PNPLA7: variants seen among roughly 807,000 people sequenced by gnomAD.
PNPLA7 encodes patatin like domain 7, lysophospholipase, also known as patatin-like phospholipase domain-containing protein 7.
Under a neutral mutation model 161.7 loss-of-function variants are expected in PNPLA7, and 153 were observed. That is an observed-to-expected ratio of 0.95 (90% confidence interval 0.83 to 1.08). The LOEUF (loss-of-function observed/expected upper bound fraction) is 1.08, where lower values mean the gene tolerates loss of function less well. Among genes scored for constraint, PNPLA7 ranks in the 50% least tolerant of loss-of-function variants. The pLI is 0.00. For missense variants in PNPLA7, 1,739 were observed against 1,856.6 expected (o/e 0.94, Z 1.16); for synonymous variants, 809 against 782.1 (o/e 1.03, Z -0.57).
At chr9:137,488,221 C>G (rs1832591608) in intron 20 of PNPLA7, among the ~76,000 whole-genome samples, 1 of 151,966 alleles carries the variant, frequency 6.6e-6, no homozygotes, top group South Asian at 2.1e-4. Context: ...CTCTCGCGGT[C>G]TGATGTCTCG....
In PNPLA7 at chr9:137,498,266, A is replaced by G. The variant is rs750183234; in HGVS notation, c.1758-21T>C. On this transcript the variant is annotated intron_variant, in intron 16 of 34. Coordinates refer to ENST00000406427, the MANE Select transcript of PNPLA7 (RefSeq NM_001098537.3). ...TGATTCTGCCGGGCAGCCCAGAGTCAATCCTGCCCCATCCCTCCAACCCTA... is the reference window on the plus strand; with the variant it reads ...TGATTCTGCCGGGCAGCCCAGAGTCGATCCTGCCCCATCCCTCCAACCCTA... The G allele has an allele frequency of 3.7e-6, 6 of 1,607,450 alleles. No individual in the cohort carries two copies. The South Asian group carries it at 6.6e-5, about 18-fold the overall frequency.
rs755726652 is a variant in PNPLA7, at chr9:137,542,801, C to A, written c.507G>T (p.Arg169=). 2 of 1,609,626 alleles carry A rather than the reference C, an allele frequency of 1.2e-6. No individual in the cohort carries two copies. The change falls in exon 7 of 35, where the codon CGG becomes CGT. Residue 169 remains arginine (R), a splice_region_variant and synonymous_variant. Coordinates refer to ENST00000406427, the MANE Select transcript of PNPLA7 (RefSeq NM_001098537.3). The part of the protein sequence containing the change: ...SEVLYMLKNV[R]VLGHFEKPLF... Reference sequence around the variant, plus strand: ...GCGGCTTCTCAAAGTGGCCCAGGACCCTGCAAGAGCCAGAGGGCACTGTGG... The same window carrying A: ...GCGGCTTCTCAAAGTGGCCCAGGACACTGCAAGAGCCAGAGGGCACTGTGG...
At chr9:137,504,212 A>AT (rs909121407) in intron 14 of PNPLA7, among the ~76,000 whole-genome samples, 318 of 145,716 alleles carry the variant, frequency 2.2e-3, no homozygotes, top group Non-Finnish European at 3.4e-3. Flanking sequence ...AAGAAGAGAG[A>AT]TTTTTTTTTT....
chr9:137,547,010 G>T lies in PNPLA7; in HGVS notation c.194-101C>A. On this transcript the variant is annotated intron_variant, in intron 3 of 34. Coordinates refer to ENST00000406427, the MANE Select transcript of PNPLA7 (RefSeq NM_001098537.3). This position sits in a 1 kb window ranked among gnomAD's most constrained non-coding sequence, Gnocchi z 4.6. Reference sequence around the variant, plus strand: ...GTCAGTCATACTCTCGTCCCTGCCAGTAACTGGCCATACTCAGACAGCATG... The same window carrying T: ...GTCAGTCATACTCTCGTCCCTGCCATTAACTGGCCATACTCAGACAGCATG... The T allele has an allele frequency of 8.8e-7, 1 of 1,135,430 alleles. No homozygotes were observed. The highest frequency in any genetic ancestry group is 1.3e-6 in the Non-Finnish European group (1 of 766,026). The allele number at this position is 1,135,430 out of a possible 1,614,324, so 70.3% of individuals were successfully genotyped here. A position where few individuals can be genotyped will look rare whatever the true frequency, so the allele number is the denominator to read the frequency against.
intron 22 of PNPLA7, 101 bp downstream of exon 22, chr9:137,480,859 G>T: frequency 8.0e-7 from 1 of 1,251,600 alleles, no homozygotes; most frequent in Non-Finnish European, 1.1e-6. Context: ...TGGACGAGGA[G>T]CACGCTGCAG....
chr9:137,502,756 G>A (rs113339141), intron 14 of PNPLA7, among the ~76,000 whole-genome samples: 21 of 140,210 alleles, frequency 1.5e-4, no homozygotes, highest in South Asian at 7.0e-4. Context: ...TGTGGGAGCC[G>A]GCCACGGTGA....
Position 137,542,674 on chromosome 9 carries a change from C to T in PNPLA7, c.634G>A (p.Asp212Asn), listed in dbSNP as rs1416938026. ...TGGATGCAGACCTCCAGCCGCCCGT[C>T]CTGCACCACACAGATGCTGGGGTCC... is the stretch of plus-strand genomic sequence containing the variant. ...EPDPSICVVQ[D>N]GRLEVCIQDT... Residue 212 changes from aspartate (D) to asparagine (N), a missense_variant, in exon 7 of 35, where the codon GAC becomes AAC. By Grantham distance (23) the Asp-to-Asn change is conservative. Transcript: ENST00000406427. 2 of 1,612,962 alleles carry T rather than the reference C, an allele frequency of 1.2e-6. No individual in the cohort carries two copies. Among genetic ancestry groups the T allele is most frequent in the Non-Finnish European group, 1.7e-6 (2 of 1,180,006 alleles).
intron 24 of PNPLA7, 172 bp from the exon 25 acceptor site, chr9:137,478,324 C>T (rs1232440457): frequency 6.7e-6 from 3 of 445,794 alleles, no homozygotes; most frequent in African/African-American, 2.0e-5. Flanking sequence ...CCTCAGTGCC[C>T]GGACCGGGCC....
At chr9:137,464,573 G>A in intron 26 of PNPLA7, 117 bp from the exon 27 acceptor site, 1 of 964,164 alleles carries the variant, frequency 1.0e-6, no homozygotes, top group South Asian at 1.4e-5. Context: ...AGTGTCCTTG[G>A]GCCCCACCCA....
intron 12 of PNPLA7, 51 bp downstream of exon 12, chr9:137,515,328 T>C (rs1834471875): frequency 6.4e-7 from 1 of 1,574,490 alleles, no homozygotes; most frequent in Non-Finnish European, 8.6e-7. Flanking sequence ...GGGTCTCAGA[T>C]GCCGAGGGCC....
intron 14 of PNPLA7, among the ~76,000 whole-genome samples, chr9:137,503,779 G>GAAGAAA (rs1205769308): frequency 0.29 from 18 of 62 alleles, no homozygotes; most frequent in Non-Finnish European, 0.33. Flanking sequence ...GAAGAAAAAA[G>GAAGAAA]AAAGAAGAGA....
At chr9:137,510,544 T>C (rs184574589) in intron 12 of PNPLA7, among the ~76,000 whole-genome samples, 8 of 152,300 alleles carry the variant, frequency 5.3e-5, no homozygotes, top group East Asian at 3.9e-4. Flanking sequence ...TTACCTATCA[T>C]TGGAGATGAC....
At chr9:137,510,367 G>A (rs1209565882) in intron 12 of PNPLA7, among the ~76,000 whole-genome samples, 1 of 152,164 alleles carries the variant, frequency 6.6e-6, no homozygotes, top group Non-Finnish European at 1.5e-5. Context: ...CTGTACACCT[G>A]GCTCTGCCTT....
At chr9:137,532,529 C>G (rs890214724) in intron 8 of PNPLA7, among the ~76,000 whole-genome samples, 9 of 152,194 alleles carry the variant, frequency 5.9e-5, no homozygotes, top group Admixed American at 5.2e-4. Context: ...ATACAAACCT[C>G]CAAGGATAAA....
At chr9:137,517,261 C>T (rs553429881) in intron 11 of PNPLA7, among the ~76,000 whole-genome samples, 1,104 of 93,644 alleles carry the variant, frequency 0.012, 29 homozygotes, top group Middle Eastern at 0.048. Context: ...TCCACTCTGT[C>T]CACTCCATCC....
intron 12 of PNPLA7, among the ~76,000 whole-genome samples, chr9:137,510,696 G>C (rs1023051022): frequency 6.6e-6 from 1 of 152,156 alleles, no homozygotes; most frequent in Non-Finnish European, 1.5e-5. Flanking sequence ...TCTTTGTCTT[G>C]TGTCTTTATT....
chr9:137,501,764 A>T, intron 14 of PNPLA7, 37 bp from the exon 15 acceptor site: 1 of 1,597,970 alleles, frequency 6.3e-7, no homozygotes, highest in Non-Finnish European at 8.6e-7. Context: ...CACGGGCGGG[A>T]AGCATAAATG....
At chr9:137,484,540 A>C in intron 21 of PNPLA7, 47 bp downstream of exon 21, 1 of 1,521,562 alleles carries the variant, frequency 6.6e-7, no homozygotes, top group Admixed American at 2.0e-5. Flanking sequence ...GCCCTCCACC[A>C]GGCCCAGAAC....
Position 137,504,075 on chromosome 9 carries a change from AGAAGAAGAAG to A in PNPLA7, c.1473+1529_1473+1538del, listed in dbSNP as rs1240643345. Among the ~76,000 whole-genome samples, 347 of 147,962 alleles carry A rather than the reference AGAAGAAGAAG, an allele frequency of 2.3e-3. 3 individuals are homozygous for A. Among genetic ancestry groups the A allele is most frequent in the African/African-American group, 6.4e-3 (257 of 40,192 alleles). ...AAGGAAGAAGAAGAAAGAAGAAGGAAGAAGAAGAAGGAAGAAGAAGGAAGAAGAAGAAAGA... is the reference window on the plus strand; with the variant it reads ...AAGGAAGAAGAAGAAAGAAGAAGGAAGAAGAAGAAGGAAGAAGAAGAAAGA... On this transcript the variant is annotated intron_variant, in intron 14 of 34. Coordinates refer to ENST00000406427, the MANE Select transcript of PNPLA7 (RefSeq NM_001098537.3).
Sources: gnomAD v4.1 joint callset for allele counts (sites outside exome capture counted in the v4.1 genomes callset) on GRCh38, gnomAD v4.1.1 for gene constraint, Gnocchi (gnomAD v3.1) non-coding constraint, MANE v1.5 for transcripts, NCBI Gene and HGNC (gene_info 2026-07-23, HGNC 2026-07-21) for gene names.